Variants in CDS2 observed in about 807,000 individuals in gnomAD.
The protein encoded by CDS2 is phosphatidate cytidylyltransferase 2.
A neutral mutation model predicts 59.0 loss-of-function variants in CDS2; 47 were observed. The observed-to-expected ratio is 0.80, with a 90% CI of 0.63 to 1.02. CDS2 has a LOEUF of 1.02. Ranked by LOEUF, CDS2 falls within the 50% of genes least tolerant of loss-of-function variation. The pLI, the probability that CDS2 is intolerant of heterozygous loss-of-function variation, is 0.00. For missense variants in CDS2, 356 were observed against 558.9 expected, an observed-to-expected ratio of 0.64 and a Z score of 3.66; for synonymous variants, 207 against 206.4, an observed-to-expected ratio of 1.00 and a Z score of -0.02.
At chr20:5,138,688 A>G (rs28768676) in intron 1 of CDS2, among the ~76,000 whole-genome samples, 2,005 of 151,804 alleles carry the variant, frequency 0.013, 51 homozygotes, top group African/African-American at 0.044. Context: ...GTTTCACCAC[A>G]CTGGCCAGGC....
intron 1 of CDS2, among the ~76,000 whole-genome samples, chr20:5,159,592 A>C (rs1297435446): frequency 6.6e-6 from 1 of 152,208 alleles, no homozygotes; most frequent in Non-Finnish European, 1.5e-5. Context: ...TTAACAGACT[A>C]TTAGCAAGAT....
At chr20:5,176,127 G>A (rs2090993203) in intron 3 of CDS2, 1 of 153,306 alleles carries the variant, frequency 6.5e-6, no homozygotes, top group Admixed American at 6.5e-5. Context: ...TTAGAATAAA[G>A]TTAATTGAGG....
chr20:5,180,199 C>T (rs569070583), intron 5 of CDS2, among the ~76,000 whole-genome samples: 1 of 152,266 alleles, frequency 6.6e-6, no homozygotes, highest in African/African-American at 2.4e-5. Context: ...GTTGTGCTAC[C>T]ATCTAGGTCA....
intron 1 of CDS2, among the ~76,000 whole-genome samples, chr20:5,155,344 A>T (rs2090825171): frequency 6.6e-6 from 1 of 152,248 alleles, no homozygotes; most frequent in Non-Finnish European, 1.5e-5. Flanking sequence ...TTTTTAAAAA[A>T]TTACTCCTTG....
intron 1 of CDS2, among the ~76,000 whole-genome samples, chr20:5,158,880 T>C (rs2090854482): frequency 6.6e-6 from 1 of 152,156 alleles, no homozygotes; most frequent in South Asian, 2.1e-4. Flanking sequence ...TGCTGATACG[T>C]TAGGGGTTCT....
chr20:5,146,840 G>A (rs2090747496), intron 1 of CDS2, among the ~76,000 whole-genome samples: 1 of 152,170 alleles, frequency 6.6e-6, no homozygotes, highest in Admixed American at 6.5e-5. Flanking sequence ...AATTCTAGCA[G>A]CTTCACAGTG....
At chr20:5,147,036 G>C (rs1333748480) in intron 1 of CDS2, among the ~76,000 whole-genome samples, 1 of 152,216 alleles carries the variant, frequency 6.6e-6, no homozygotes, top group East Asian at 1.9e-4. Flanking sequence ...CTGCTCACAT[G>C]TCATTGGCCA....
intron 1 of CDS2, among the ~76,000 whole-genome samples, chr20:5,141,811 C>A (rs1427366377): frequency 6.6e-6 from 1 of 152,116 alleles, no homozygotes; most frequent in Non-Finnish European, 1.5e-5. Flanking sequence ...CAGCTACTGT[C>A]CGCTGCAGAA....
chr20:5,188,925 C>G lies in CDS2; in HGVS notation c.982-142C>G, dbSNP rs904732693. ...ACCAAGCCATTCATGAGGGATTTGC[C>G]CCTGTGACCCAAACACCTCCCACTA... On this transcript the variant is annotated intron_variant, in intron 10 of 12. Transcript: ENST00000460006. 16 of 951,068 alleles carry G rather than the reference C, an allele frequency of 1.7e-5. No homozygotes were observed. In the African/African-American group the frequency reaches 2.4e-4, roughly 14 times the overall value. 58.9% of individuals were successfully genotyped at this position (951,068 alleles called of 1,614,324 possible).
chr20:5,179,311 C>T (rs144959395), intron 5 of CDS2, among the ~76,000 whole-genome samples: 57 of 152,132 alleles, frequency 3.7e-4, no homozygotes, highest in African/African-American at 1.3e-3. Context: ...TAGTAGAGAC[C>T]GAGTTTCGCC....
At chr20:5,170,292 C>T (rs1568539009) in intron 1 of CDS2, among the ~76,000 whole-genome samples, 1 of 152,182 alleles carries the variant, frequency 6.6e-6, no homozygotes, top group Non-Finnish European at 1.5e-5. Flanking sequence ...CATGTACCAC[C>T]TTTCTTGTGG....
chr20:5,166,269 A>T (rs553177418), intron 1 of CDS2, among the ~76,000 whole-genome samples: 20 of 152,282 alleles, frequency 1.3e-4, no homozygotes, highest in African/African-American at 4.8e-4. Context: ...CAGATCTACA[A>T]GCTGAGAAAG....
intron 10 of CDS2, chr20:5,187,054 G>A: frequency 3.3e-6 from 1 of 306,226 alleles, no homozygotes; most frequent in South Asian, 2.9e-5. Flanking sequence ...TTCAAAGTGT[G>A]TTCTGTGGAT....
intron 1 of CDS2, among the ~76,000 whole-genome samples, chr20:5,153,488 G>A (rs1225994666): frequency 1.3e-5 from 2 of 152,136 alleles, no homozygotes; most frequent in African/African-American, 4.8e-5. Context: ...GTGACCCACT[G>A]AATTGATTTC....
rs139930486 is a variant in CDS2 at position 5,141,287 on chromosome 20, A to G, written c.57+14138A>G. Among the ~76,000 whole-genome samples the G allele has an allele frequency of 2.5e-3, 380 of 152,370 alleles. 3 individuals carry two copies. The highest frequency in any genetic ancestry group is 8.8e-3 in the African/African-American group (364 of 41,582). On this transcript the variant is annotated intron_variant, in intron 1 of 12. Coordinates refer to ENST00000460006, the MANE Select transcript of CDS2 (RefSeq NM_003818.4). ...CTTGCTGGGTTTCCCCACTTAGTCT[A>G]TTAGTATTAGATAGTATCCTTTTTG...
intron 1 of CDS2, among the ~76,000 whole-genome samples, chr20:5,136,069 C>T (rs929297189): frequency 3.4e-4 from 51 of 152,156 alleles, no homozygotes; most frequent in Non-Finnish European, 2.2e-4. Context: ...GATTTACGGG[C>T]AACACTCTCT....
At chr20:5,170,100 G>C (rs2090944300) in intron 1 of CDS2, among the ~76,000 whole-genome samples, 1 of 152,158 alleles carries the variant, frequency 6.6e-6, no homozygotes, top group Non-Finnish European at 1.5e-5. Flanking sequence ...AACCTTCCGA[G>C]ACAGGGATTC....
chr20:5,144,151 A>G (rs936051987), intron 1 of CDS2, among the ~76,000 whole-genome samples: 6 of 152,178 alleles, frequency 3.9e-5, no homozygotes, highest in Non-Finnish European at 7.4e-5. Flanking sequence ...GGGAACTGCC[A>G]CACTTGGGTA....
At chr20:5,145,196 C>T (rs1476631208) in intron 1 of CDS2, among the ~76,000 whole-genome samples, 2 of 150,124 alleles carry the variant, frequency 1.3e-5, no homozygotes, top group South Asian at 2.2e-4. Flanking sequence ...GTCTTTTGCC[C>T]GGTAGACCTC....
Sources: allele counts gnomAD v4.1 joint callset (sites outside exome capture counted in the v4.1 genomes callset), GRCh38; gene constraint gnomAD v4.1.1; transcripts MANE v1.5; gene names NCBI Gene and HGNC (gene_info 2026-07-23, HGNC 2026-07-21).